The following ADH1C variants were observed in gnomAD, a reference collection of about 807,000 sequenced individuals.
ADH1C encodes alcohol dehydrogenase 1C (class I), gamma polypeptide, also known as alcohol dehydrogenase 1C.
Under a neutral mutation model 35.0 loss-of-function variants are expected in ADH1C, and 26 were observed. The observed-to-expected ratio is 0.74, with a 90% CI of 0.54 to 1.03. The LOEUF (loss-of-function observed/expected upper bound fraction) is 1.03, where lower values mean the gene tolerates loss of function less well. Among genes scored for constraint, ADH1C ranks in the 50% least tolerant of loss-of-function variants. The pLI is 0.00. For missense variants in ADH1C, 413 were observed against 465.4 expected (o/e 0.89, Z 1.04); for synonymous variants, 170 against 169.3 (o/e 1.00, Z -0.03).
intron 1 of ADH1C, among the ~76,000 whole-genome samples, 169 bp downstream of exon 1, chr4:99,352,489 A>G (rs1181833548): frequency 1.3e-5 from 2 of 152,154 alleles, no homozygotes; most frequent in Non-Finnish European, 2.9e-5. Flanking sequence ...CATATATTGC[A>G]TATCATATTC....
chr4:99,338,393 TTCTATATATATATATATATATATATATA>T (rs200023911), intron 8 of ADH1C, among the ~76,000 whole-genome samples: 10,656 of 73,116 alleles, frequency 0.15, 1,862 homozygotes, highest in East Asian at 0.45. Flanking sequence ...GAATACTGTT[TTCTATATATATATATATATATATATATA>T]TATATATATA....
At chr4:99,336,982 G>T (rs1734291720) in intron 8 of ADH1C, among the ~76,000 whole-genome samples, 2 of 152,058 alleles carry the variant, frequency 1.3e-5, no homozygotes, top group South Asian at 4.2e-4. Context: ...TCAATCTTAA[G>T]CTCACTCAAA....
At position 99,347,762 on chromosome 4, in the gene ADH1C, G is replaced by C; in HGVS notation, c.103C>G (p.His35Asp). Reference protein sequence around the residue: ...EEVEVAPPKAHEVRIKMVAAG... With the variant: ...EEVEVAPPKADEVRIKMVAAG... Reference sequence around the variant, plus strand: ...TATTTCACCTTAATGCGAACTTCATGAGCCTTAGGAGGTGCAACCTCTACC... The same window carrying C: ...TATTTCACCTTAATGCGAACTTCATCAGCCTTAGGAGGTGCAACCTCTACC... The change falls in exon 2 of 9, where the codon CAT becomes GAT. Residue 35 changes from histidine to aspartate, a missense_variant. Coordinates refer to ENST00000515683, the MANE Select transcript of ADH1C (RefSeq NM_000669.5). The C allele has an allele frequency of 6.2e-7, 1 of 1,609,398 alleles. No individual in the cohort carries two copies. Among genetic ancestry groups the C allele is most frequent in the Non-Finnish European group, 8.5e-7 (1 of 1,177,332 alleles).
Position 99,338,411 on chromosome 4 carries a change from A to ATATATATATATT in ADH1C, c.1103+1165_1103+1166insAATATATATATA, listed in dbSNP as rs1734331163. Among the ~76,000 whole-genome samples, 2 of 34,206 alleles carry ATATATATATATT rather than the reference A, an allele frequency of 5.8e-5. 1 individual carries two copies. The highest frequency in any genetic ancestry group is 2.2e-4 in the African/African-American group (2 of 9,038). The allele number at this position is 34,206 out of a possible 152,430, so 22.4% of individuals were successfully genotyped here. On this transcript the variant is annotated intron_variant, in intron 8 of 8. Transcript: ENST00000515683. The stretch of plus-strand genomic sequence containing the variant: ...TACTGTTTTCTATATATATATATAT[A>ATATATATATATT]TATATATATATATATATATATATAT...
chr4:99,346,935 G>T lies in ADH1C; in HGVS notation c.259+71C>A. 5.1e-6 allele frequency: 8 copies of T among 1,562,292 alleles called. No individual in the cohort carries two copies. The South Asian group carries it at 9.8e-5, about 19-fold the overall frequency. The stretch of plus-strand genomic sequence containing the variant: ...AGTCCTTTCGTCTTTCATTGCCTCG[G>T]TTTCCTCATCCAGGCTGACTAATCT... On this transcript the variant is annotated intron_variant, in intron 3 of 8. Transcript: ENST00000515683.
chr4:99,348,705 G>A (rs1469702534), intron 1 of ADH1C, among the ~76,000 whole-genome samples: 1 of 151,158 alleles, frequency 6.6e-6, no homozygotes, highest in Non-Finnish European at 1.5e-5. Context: ...TCGCCACACT[G>A]ACTTCCACAA....
chr4:99,344,538 G>C (rs1171408645), intron 5 of ADH1C, among the ~76,000 whole-genome samples: 1 of 152,122 alleles, frequency 6.6e-6, no homozygotes, highest in Admixed American at 6.5e-5. Flanking sequence ...TGGTGCCTGA[G>C]GTATGTATAG....
In ADH1C at chr4:99,339,690, G is replaced by T; in HGVS notation, c.990C>A (p.Pro330=). 1 of 1,611,858 alleles carries T rather than the reference G, an allele frequency of 6.2e-7. No homozygotes were observed. ...TAGCCATAAAGTCAGCCACAAGTTT[G>T]GGGACAGATTCTTTACTCTTAAAGC... The part of the protein sequence containing the change: ...FGGFKSKESV[P]KLVADFMAKK... The change falls in exon 8 of 9, where the codon CCC becomes CCA. Residue 330 remains proline, a synonymous_variant. Transcript: ENST00000515683.
intron 1 of ADH1C, among the ~76,000 whole-genome samples, chr4:99,349,912 TA>T (rs1734636274): frequency 6.6e-6 from 1 of 152,186 alleles, no homozygotes; most frequent in African/African-American, 2.4e-5. Context: ...CAGATGTCCT[TA>T]AAAATAAAAG....
chr4:99,343,185 C>A (rs890006944), intron 5 of ADH1C, 130 bp from the exon 6 acceptor site: 17 of 1,349,928 alleles, frequency 1.3e-5, no homozygotes, highest in African/African-American at 1.0e-4. Context: ...GTTATCGAAA[C>A]CTGTTTTGGC....
chr4:99,351,159 A>G (rs1261142247), intron 1 of ADH1C: 3 of 152,228 alleles, frequency 2.0e-5, no homozygotes, highest in African/African-American at 7.2e-5. Flanking sequence ...GAATGAAAAA[A>G]TTAATGTAGC....
Position 99,345,086 on chromosome 4 carries a change from G to T in ADH1C, c.348-5C>A, listed in dbSNP as rs75760332. The T allele has an allele frequency of 6.2e-7, 1 of 1,614,144 alleles. No homozygotes were observed. The highest frequency in any genetic ancestry group is 8.5e-7 in the Non-Finnish European group (1 of 1,180,018). ...GTCCCCCGAGGATTGCCTAGACTGGGCAGTGCAATACAAAGACACACAAAG... is the reference window on the plus strand; with the variant it reads ...GTCCCCCGAGGATTGCCTAGACTGGTCAGTGCAATACAAAGACACACAAAG... On this transcript the variant is annotated splice_region_variant and splice_polypyrimidine_tract_variant and intron_variant, in intron 4 of 8. Transcript: ENST00000515683.
At position 99,345,262 on chromosome 4, in the gene ADH1C, A is replaced by G. The variant is rs892129703; in HGVS notation, c.264T>C (p.Asp88=). 49 of 1,613,266 alleles carry G rather than the reference A, an allele frequency of 3.0e-5. No homozygotes were observed. The highest frequency in any genetic ancestry group is 3.9e-5 in the Non-Finnish European group (46 of 1,179,500). ...GAGGAGTAAAGAGCGGGATGACTTT[A>G]TCACCTGCAGAGGAATAAAACAAAT... The part of the protein sequence containing the change: ...GEGVTTVKPG[D]KVIPLFTPQC... The change falls in exon 4 of 9, where the codon GAT becomes GAC. Residue 88 remains aspartate, a synonymous_variant. Transcript: ENST00000515683.
intron 3 of ADH1C, 145 bp downstream of exon 3, chr4:99,346,860 GA>G (rs1482732917): frequency 7.5e-7 from 1 of 1,337,996 alleles, no homozygotes. Context: ...GGCAAGCAGA[GA>G]GGGAAGGAGG....
At chr4:99,343,171 ATC>A (rs1734456881) in intron 5 of ADH1C, 116 bp from the exon 6 acceptor site, 1 of 1,425,938 alleles carries the variant, frequency 7.0e-7, no homozygotes, top group African/African-American at 1.4e-5. Context: ...CTTCTGTCCA[ATC>A]TGTTATCGAA....
At position 99,352,718 on chromosome 4, in the gene ADH1C, T is replaced by C; in HGVS notation, c.-43A>G. 1 of 1,610,174 alleles carries C rather than the reference T, an allele frequency of 6.2e-7. No homozygotes were observed. Among genetic ancestry groups the C allele is most frequent in the Non-Finnish European group, 8.5e-7 (1 of 1,176,828 alleles). On this transcript the variant is annotated 5_prime_UTR_variant, in exon 1 of 9. Transcript: ENST00000515683. ...TGCAGACCAGGAGGCTGGTGAGTACTTGTGGATTTCTTCTCTGCTTGAGTG... is the reference window on the plus strand; with the variant it reads ...TGCAGACCAGGAGGCTGGTGAGTACCTGTGGATTTCTTCTCTGCTTGAGTG...
chr4:99,344,089 G>C (rs1415721854), intron 5 of ADH1C, among the ~76,000 whole-genome samples: 2 of 152,100 alleles, frequency 1.3e-5, no homozygotes, highest in Non-Finnish European at 2.9e-5. Context: ...CATTCAGCAG[G>C]AGATTTGTAA....
intron 1 of ADH1C, among the ~76,000 whole-genome samples, chr4:99,349,051 C>A (rs868822671): frequency 1.8e-4 from 26 of 140,546 alleles, no homozygotes; most frequent in African/African-American, 5.5e-4. Context: ...GAGTAGGTTG[C>A]GAAAATTTTC....
Position 99,352,705 on chromosome 4 carries a change from G to C in ADH1C, c.-30C>G, listed in dbSNP as rs1451839335. 3 of 1,612,230 alleles carry C rather than the reference G, an allele frequency of 1.9e-6. No homozygotes were observed. The highest frequency in any genetic ancestry group is 3.3e-5 in the Admixed American group (2 of 59,978). On this transcript the variant is annotated 5_prime_UTR_variant, in exon 1 of 9. Coordinates refer to ENST00000515683, the MANE Select transcript of ADH1C (RefSeq NM_000669.5). Reference sequence around the variant, plus strand: ...ATTCTGTCTTCTCTGCAGACCAGGAGGCTGGTGAGTACTTGTGGATTTCTT... The same window carrying C: ...ATTCTGTCTTCTCTGCAGACCAGGACGCTGGTGAGTACTTGTGGATTTCTT...
Sources: allele counts gnomAD v4.1 joint callset (sites outside exome capture counted in the v4.1 genomes callset), GRCh38; gene constraint gnomAD v4.1.1; transcripts MANE v1.5; gene names NCBI Gene and HGNC (gene_info 2026-07-23, HGNC 2026-07-21).